TENM1: variants seen among roughly 807,000 people sequenced by gnomAD.
TENM1 encodes teneurin transmembrane protein 1.
A neutral mutation model predicts 174.8 loss-of-function variants in TENM1; 35 were observed. The ratio of observed to expected loss-of-function variants is 0.20; its 90% CI spans 0.15 to 0.27. The LOEUF is 0.27. Among genes scored for constraint, TENM1 ranks in the 10% least tolerant of loss-of-function variants. The pLI is 1.00. For missense variants in TENM1, 1,633 were observed against 2,130.1 expected (o/e 0.77, Z 4.59); for synonymous variants, 781 against 798.7 (o/e 0.98, Z 0.37).
At chrX:124,384,793 G>A (rs780970295) in exon 30 of TENM1, 8 of 1,210,202 alleles carry the variant, frequency 6.6e-6, no homozygotes, top group South Asian at 5.3e-5. Flanking sequence ...AGCTGTAGTC[G>A]AACCGTGCAT....
chrX:124,393,473 TCCCTGCTGGCCAGTGCACTG>T (rs1301316540), intron 27 of TENM1, among the ~76,000 whole-genome samples: 1 of 111,001 alleles, frequency 9.0e-6, no homozygotes, highest in East Asian at 2.8e-4. Flanking sequence ...AGAGGTTCAG[TCCCTGCTGGCCAGTGCACTG>T]AAGAAGGCCC....
the TENM1 span, among the ~76,000 whole-genome samples, chrX:125,072,706 A>G: frequency 4.0e-3 from 444 of 111,184 alleles, no homozygotes; most frequent in Non-Finnish European, 7.2e-3. Context: ...CTAAAACTTA[A>G]AGTATAATAA....
At chrX:124,995,109 T>C in the TENM1 span, among the ~76,000 whole-genome samples, 1 of 110,726 alleles carries the variant, frequency 9.0e-6, no homozygotes, top group Non-Finnish European at 1.9e-5. Context: ...CTTCTCTTTT[T>C]CCTAGAACAC....
chrX:124,733,482 A>G (rs1374650190), intron 4 of TENM1, among the ~76,000 whole-genome samples: 1 of 112,272 alleles, frequency 8.9e-6, no homozygotes, highest in Non-Finnish European at 1.9e-5. Context: ...TTTCCTAATT[A>G]GGAAGTCAGG....
chrX:125,079,174 A>G, the TENM1 span, among the ~76,000 whole-genome samples: 2 of 111,859 alleles, frequency 1.8e-5, no homozygotes, highest in African/African-American at 6.5e-5. Context: ...GCAATGCAAG[A>G]CTGAATAAGA....
At chrX:124,874,300 T>C (rs996601108) in intron 3 of TENM1, among the ~76,000 whole-genome samples, 1 of 111,652 alleles carries the variant, frequency 9.0e-6, no homozygotes, top group African/African-American at 3.2e-5. Flanking sequence ...GCCAATATTA[T>C]AGGTGATAAA....
At chrX:125,062,774 G>A in the TENM1 span, among the ~76,000 whole-genome samples, 3 of 111,715 alleles carry the variant, frequency 2.7e-5, no homozygotes, top group African/African-American at 3.3e-5. Context: ...TGATACTAGG[G>A]AGCAATCAGC....
exon 25 of TENM1, chrX:124,420,616 G>A: frequency 8.3e-7 from 1 of 1,211,501 alleles, no homozygotes; most frequent in Non-Finnish European, 1.1e-6. Flanking sequence ...TGTGTAGGTG[G>A]GTTCCATTTA....
At chrX:124,705,548 T>C (rs941007844) in intron 4 of TENM1, among the ~76,000 whole-genome samples, 1 of 111,301 alleles carries the variant, frequency 9.0e-6, no homozygotes, top group African/African-American at 3.3e-5. Context: ...CACTACACCC[T>C]TCCCTTTCAT....
intron 11 of TENM1, among the ~76,000 whole-genome samples, chrX:124,608,937 G>A (rs968194161): frequency 2.7e-5 from 3 of 110,738 alleles, no homozygotes; most frequent in Admixed American, 9.6e-5. Context: ...TGGTATTTTT[G>A]CAGCGCAAAA....
intron 27 of TENM1, among the ~76,000 whole-genome samples, chrX:124,399,127 A>G (rs1454013562): frequency 8.9e-6 from 1 of 111,792 alleles, no homozygotes. Flanking sequence ...AACAGAGGGG[A>G]TCTTAGGAAA....
intron 4 of TENM1, among the ~76,000 whole-genome samples, chrX:124,720,872 A>G (rs1208321970): frequency 8.9e-6 from 1 of 111,749 alleles, no homozygotes; most frequent in Non-Finnish European, 1.9e-5. Context: ...TTCAGAAAGA[A>G]TCATGACTGC....
At chrX:124,718,806 T>TG (rs2053244485) in intron 4 of TENM1, among the ~76,000 whole-genome samples, 1 of 112,025 alleles carries the variant, frequency 8.9e-6, no homozygotes, top group Admixed American at 9.5e-5. Flanking sequence ...AGGACTAAGT[T>TG]GGGAAACATC....
At chrX:124,682,524 T>G (rs1473075855) in intron 5 of TENM1, among the ~76,000 whole-genome samples, 1 of 111,328 alleles carries the variant, frequency 9.0e-6, no homozygotes, top group Non-Finnish European at 1.9e-5. Context: ...AAAATCATGC[T>G]ATGTTAGAGC....
At chrX:124,674,206 T>C (rs2051997939) in intron 5 of TENM1, among the ~76,000 whole-genome samples, 1 of 105,442 alleles carries the variant, frequency 9.5e-6, no homozygotes, top group Admixed American at 1.0e-4. Context: ...AGGGAGAGAA[T>C]GTTAGGAGAA....
the TENM1 span, among the ~76,000 whole-genome samples, chrX:125,166,428 C>A: frequency 9.0e-6 from 1 of 110,974 alleles, no homozygotes; most frequent in Non-Finnish European, 1.9e-5. Flanking sequence ...TTTTTCACCG[C>A]CACACTGCTA....
At position 124,669,504 on chromosome X, in the gene TENM1, C is replaced by T. The variant is rs188379934; in HGVS notation, c.1168+2179G>A. Among the ~76,000 whole-genome samples the T allele has an allele frequency of 6.5e-3, 715 of 110,498 alleles. 5 individuals carry two copies. Among genetic ancestry groups the T allele is most frequent in the African/African-American group, 0.022 (671 of 30,363 alleles). Reference sequence around the variant, plus strand: ...GATACAACTGAACATTTGAAAATATCCTTCTACTGTATTATATCTTCTGCA... The same window carrying T: ...GATACAACTGAACATTTGAAAATATTCTTCTACTGTATTATATCTTCTGCA... On this transcript the variant is annotated intron_variant, in intron 6 of 31. Coordinates refer to ENST00000422452, the Ensembl canonical transcript of TENM1.
At chrX:124,745,075 T>G (rs771379050) in intron 3 of TENM1, among the ~76,000 whole-genome samples, 1 of 112,025 alleles carries the variant, frequency 8.9e-6, no homozygotes, top group Non-Finnish European at 1.9e-5. Context: ...TAAAAAAGCA[T>G]AGAGGCTAGG....
chrX:124,669,863 C>A (rs7065210), intron 6 of TENM1, among the ~76,000 whole-genome samples: 1 of 111,742 alleles, frequency 8.9e-6, no homozygotes, highest in Non-Finnish European at 1.9e-5. Context: ...AAATCTATCA[C>A]GAATAGACTC....
Sources: allele counts gnomAD v4.1 joint callset (sites outside exome capture counted in the v4.1 genomes callset), GRCh38; gene constraint gnomAD v4.1.1; transcripts MANE v1.5; gene names NCBI Gene and HGNC (gene_info 2026-07-23, HGNC 2026-07-21).